Variants in KIAA1328 observed in about 807,000 individuals in gnomAD.
KIAA1328 encodes protein hinderin.
In KIAA1328, 52 loss-of-function variants were observed where a neutral mutation model predicts 68.1. That is an observed-to-expected ratio of 0.76 (90% CI 0.61 to 0.96). KIAA1328 has a LOEUF of 0.96. KIAA1328 is among the 40% of genes least tolerant of loss of function. The pLI is 0.00. For synonymous variants in KIAA1328, 232 were observed against 239.4 expected, an observed-to-expected ratio of 0.97 and a Z score of 0.28; for missense variants, 641 against 677.6, an observed-to-expected ratio of 0.95 and a Z score of 0.60.
At chr18:37,077,896 G>A (rs75294796) in intron 7 of KIAA1328, among the ~76,000 whole-genome samples, 15,678 of 151,186 alleles carry the variant, frequency 0.1, 2,745 homozygotes, top group African/African-American at 0.36. Flanking sequence ...GAAAATGGCC[G>A]TACTGCCCAA....
At chr18:37,031,229 A>G (rs1408771160) in intron 6 of KIAA1328, among the ~76,000 whole-genome samples, 2 of 152,120 alleles carry the variant, frequency 1.3e-5, no homozygotes, top group Non-Finnish European at 2.9e-5. Flanking sequence ...CTGTATGCCT[A>G]TTGAATTTTA....
At chr18:36,958,498 T>C (rs913413760) in intron 5 of KIAA1328, among the ~76,000 whole-genome samples, 1 of 152,184 alleles carries the variant, frequency 6.6e-6, no homozygotes, top group South Asian at 2.1e-4. Flanking sequence ...TTCATATCCT[T>C]GTCAGTGCTT....
In KIAA1328 at chr18:37,075,759, T is replaced by G. The variant is rs201774698; in HGVS notation, c.1232+8214T>G. ...TAAGGCCATTACATAATGGTAAAGGTATCAATTCAACAAGAAGAGCTAACT... is the reference window on the plus strand; with the variant it reads ...TAAGGCCATTACATAATGGTAAAGGGATCAATTCAACAAGAAGAGCTAACT... On this transcript the variant is annotated intron_variant, in intron 7 of 9. Coordinates refer to ENST00000280020, the MANE Select transcript of KIAA1328 (RefSeq NM_020776.3). 3.2e-4 allele frequency: 48 copies of G among 151,442 alleles called. 1 individual carries two copies. The East Asian group carries it at 3.5e-3, about 11-fold the overall frequency. 9.4% of individuals were successfully genotyped at this position (151,442 alleles called of 1,614,324 possible).
intron 8 of KIAA1328, among the ~76,000 whole-genome samples, chr18:37,167,957 G>A (rs1382617380): frequency 6.6e-6 from 1 of 151,958 alleles, no homozygotes; most frequent in Non-Finnish European, 1.5e-5. Flanking sequence ...GAGTATGGAT[G>A]AAAATATACT....
intron 6 of KIAA1328, among the ~76,000 whole-genome samples, chr18:37,000,746 A>G (rs2053559262): frequency 6.6e-6 from 1 of 152,064 alleles, no homozygotes; most frequent in Non-Finnish European, 1.5e-5. Flanking sequence ...GAACTCTGGA[A>G]ACTATACAAA....
At chr18:36,953,803 T>C (rs2051274804) in intron 5 of KIAA1328, among the ~76,000 whole-genome samples, 1 of 152,062 alleles carries the variant, frequency 6.6e-6, no homozygotes, top group Admixed American at 6.6e-5. Context: ...GTCCCAATAA[T>C]GTCTTTTCTA....
intron 4 of KIAA1328, among the ~76,000 whole-genome samples, chr18:36,858,364 A>G (rs1424263685): frequency 6.6e-6 from 1 of 152,018 alleles, no homozygotes; most frequent in Non-Finnish European, 1.5e-5. Context: ...TTTTTTCTTT[A>G]AGCATTTTAT....
chr18:36,988,019 G>A (rs1055773667), intron 6 of KIAA1328, among the ~76,000 whole-genome samples: 2 of 151,942 alleles, frequency 1.3e-5, no homozygotes, highest in Non-Finnish European at 2.9e-5. Flanking sequence ...TAGTATAGCC[G>A]TTATCCTAAC....
intron 4 of KIAA1328, among the ~76,000 whole-genome samples, chr18:36,849,164 G>C (rs8090842): frequency 0.31 from 46,563 of 151,626 alleles, 9,994 homozygotes; most frequent in African/African-American, 0.61. Flanking sequence ...AACGCAATGT[G>C]CATTAAACAA....
Position 37,166,631 on chromosome 18 carries a change from C to G in KIAA1328, c.1414+6250C>G, listed in dbSNP as rs191855462. On this transcript the variant is annotated intron_variant, in intron 8 of 9. Coordinates refer to ENST00000280020, the MANE Select transcript of KIAA1328 (RefSeq NM_020776.3). ...CTGCCCTCTGAGGAAGCAGAGCAGA[C>G]CCTGTTCTCAAGGGATTGTTTCTCT... Among the ~76,000 whole-genome samples the G allele has an allele frequency of 1.6e-4, 24 of 152,186 alleles. No individual in the cohort carries two copies. The East Asian group carries it at 4.5e-3, about 28-fold the overall frequency.
intron 6 of KIAA1328, among the ~76,000 whole-genome samples, chr18:37,031,752 G>A (rs138785411): frequency 1.6e-4 from 25 of 151,794 alleles, no homozygotes; most frequent in African/African-American, 5.8e-4. Context: ...CATATTTAGG[G>A]TTTTTTTAAC....
At chr18:36,849,436 G>A (rs1311626928) in intron 4 of KIAA1328, among the ~76,000 whole-genome samples, 1 of 151,904 alleles carries the variant, frequency 6.6e-6, no homozygotes, top group Non-Finnish European at 1.5e-5. Context: ...TTGTTTCCCT[G>A]TGGCTCTGAC....
At chr18:36,887,417 GGT>G (rs2048537177) in intron 5 of KIAA1328, among the ~76,000 whole-genome samples, 3 of 151,818 alleles carry the variant, frequency 2.0e-5, no homozygotes, top group African/African-American at 7.3e-5. Flanking sequence ...GAGATTCAGT[GGT>G]TTAACATTTT....
intron 9 of KIAA1328, among the ~76,000 whole-genome samples, chr18:37,217,783 T>G (rs192230947): frequency 2.6e-5 from 4 of 152,344 alleles, no homozygotes; most frequent in Admixed American, 2.6e-4. Context: ...GGTTCCATTC[T>G]CCCTGTCACT....
At chr18:37,217,803 A>G (rs1284639461) in intron 9 of KIAA1328, among the ~76,000 whole-genome samples, 1 of 152,198 alleles carries the variant, frequency 6.6e-6, no homozygotes, top group Non-Finnish European at 1.5e-5. Context: ...TTTCAGGTAC[A>G]CCAATCAAAC....
At chr18:37,216,084 T>C (rs1212810030) in intron 9 of KIAA1328, among the ~76,000 whole-genome samples, 1 of 152,142 alleles carries the variant, frequency 6.6e-6, no homozygotes, top group Admixed American at 6.5e-5. Context: ...TTTTGTTTCT[T>C]TTCAAAAAAC....
intron 6 of KIAA1328, among the ~76,000 whole-genome samples, chr18:36,959,819 AAGTT>A (rs1200269661): frequency 4.6e-5 from 7 of 152,250 alleles, no homozygotes; most frequent in Admixed American, 1.3e-4. Context: ...AGAATAATGA[AAGTT>A]AATTGTGGAC....
intron 8 of KIAA1328, among the ~76,000 whole-genome samples, chr18:37,165,970 A>G (rs1399443228): frequency 1.3e-5 from 2 of 148,508 alleles, no homozygotes; most frequent in Non-Finnish European, 3.0e-5. Flanking sequence ...ACTTACAATC[A>G]TGTTATGTTT....
chr18:36,863,802 G>C (rs113064672), intron 4 of KIAA1328, among the ~76,000 whole-genome samples: 45 of 152,140 alleles, frequency 3.0e-4, no homozygotes, highest in African/African-American at 1.0e-3. Flanking sequence ...TGATTCTGCT[G>C]TTCACATTTT....
Sources: allele counts gnomAD v4.1 joint callset (sites outside exome capture counted in the v4.1 genomes callset), GRCh38; gene constraint gnomAD v4.1.1; transcripts MANE v1.5; gene names NCBI Gene and HGNC (gene_info 2026-07-23, HGNC 2026-07-21).